The following LRMDA variants were observed in gnomAD, a reference collection of about 807,000 sequenced individuals.
LRMDA encodes leucine-rich melanocyte differentiation-associated protein.
In LRMDA, 18 loss-of-function variants were observed where a neutral mutation model predicts 29.8. The ratio of observed to expected loss-of-function variants is 0.60; its 90% CI spans 0.42 to 0.90. The LOEUF (loss-of-function observed/expected upper bound fraction) is 0.90, where lower values mean the gene tolerates loss of function less well. Among genes scored for constraint, LRMDA ranks in the 40% least tolerant of loss-of-function variants. The probability of loss-of-function intolerance (pLI) is 0.00; values close to 1 mark genes in which losing one functional copy is unlikely to be tolerated. For missense variants in LRMDA, 273 were observed against 273.9 expected, an observed-to-expected ratio of 1.00 and a Z score of 0.02; for synonymous variants, 125 against 109.4, an observed-to-expected ratio of 1.14 and a Z score of -0.89.
intron 5 of LRMDA, among the ~76,000 whole-genome samples, chr10:76,245,112 G>T (rs756588800): frequency 1.3e-5 from 2 of 152,170 alleles, no homozygotes; most frequent in Non-Finnish European, 2.9e-5. Context: ...TATTTTGTTT[G>T]GCATGCTTGC....
chr10:75,716,170 A>G (rs1842497063), intron 2 of LRMDA, among the ~76,000 whole-genome samples: 2 of 152,214 alleles, frequency 1.3e-5, no homozygotes, highest in Admixed American at 1.3e-4. Flanking sequence ...CTCTACTGCT[A>G]CACAGTTAAT....
At chr10:76,543,646 C>T (rs1043555986) in intron 6 of LRMDA, among the ~76,000 whole-genome samples, 1 of 152,102 alleles carries the variant, frequency 6.6e-6, no homozygotes, top group African/African-American at 2.4e-5. Flanking sequence ...AATTTATGGG[C>T]AAAGAAGTTG....
intron 2 of LRMDA, among the ~76,000 whole-genome samples, chr10:75,936,512 G>A (rs1040921721): frequency 2.6e-5 from 4 of 151,986 alleles, no homozygotes; most frequent in Non-Finnish European, 4.4e-5. Context: ...ATATTTACCC[G>A]CACATATCTT....
chr10:76,066,485 C>G (rs1319733699), intron 5 of LRMDA, among the ~76,000 whole-genome samples: 1 of 152,146 alleles, frequency 6.6e-6, no homozygotes, highest in East Asian at 1.9e-4. Flanking sequence ...CCGGGTCTTC[C>G]TAAGCCCCAA....
At chr10:76,136,954 C>T (rs936222351) in intron 5 of LRMDA, among the ~76,000 whole-genome samples, 1 of 152,130 alleles carries the variant, frequency 6.6e-6, no homozygotes, top group Non-Finnish European at 1.5e-5. Flanking sequence ...GGAGGTAACA[C>T]CAAAAAGCTG....
intron 2 of LRMDA, among the ~76,000 whole-genome samples, chr10:76,008,100 A>C (rs1847704748): frequency 6.6e-6 from 1 of 151,934 alleles, no homozygotes; most frequent in Non-Finnish European, 1.5e-5. Context: ...GATTTGAAGA[A>C]GCAGGGAGGG....
rs542209860 is a variant in LRMDA at position 76,358,241 on chromosome 10, C to A, written c.601+33756C>A. Among the ~76,000 whole-genome samples the A allele has an allele frequency of 2.0e-5, 3 of 152,244 alleles. No individual in the cohort carries two copies. In the East Asian group the frequency reaches 5.8e-4, roughly 29 times the overall value. On this transcript the variant is annotated intron_variant, in intron 6 of 6. Transcript: ENST00000611255. ...CGTAGGAGAAATGCCAGTAATGAGG[C>A]AATGGAACGTTCATTCACCTGCTTT...
chr10:75,917,946 C>T (rs1275860196), intron 2 of LRMDA, among the ~76,000 whole-genome samples: 2 of 140,222 alleles, frequency 1.4e-5, no homozygotes, highest in East Asian at 4.9e-4. Flanking sequence ...TGCACACCCA[C>T]ACATGCACAT....
chr10:75,950,368 T>G (rs1358969180), intron 2 of LRMDA, among the ~76,000 whole-genome samples: 1 of 152,186 alleles, frequency 6.6e-6, no homozygotes, highest in African/African-American at 2.4e-5. Flanking sequence ...ACTTGAAGCT[T>G]ACCCTTCTAA....
chr10:75,454,945 C>T (rs773031115), intron 2 of LRMDA, among the ~76,000 whole-genome samples: 1 of 152,194 alleles, frequency 6.6e-6, no homozygotes, highest in Non-Finnish European at 1.5e-5. Flanking sequence ...AGAAGAATGA[C>T]AGTAGGGGTA....
intron 5 of LRMDA, among the ~76,000 whole-genome samples, chr10:76,264,015 C>A (rs1196550203): frequency 6.6e-6 from 1 of 152,164 alleles, no homozygotes; most frequent in Non-Finnish European, 1.5e-5. Flanking sequence ...GGGTTCCATT[C>A]ACTCTAAGGG....
At chr10:76,498,731 A>G (rs1235404183) in intron 6 of LRMDA, among the ~76,000 whole-genome samples, 5 of 76,440 alleles carry the variant, frequency 6.5e-5, no homozygotes, top group African/African-American at 1.6e-4. Context: ...AAACCAATCT[A>G]TAAAAGTTAG....
At chr10:76,285,305 C>T (rs540874775) in intron 5 of LRMDA, among the ~76,000 whole-genome samples, 1 of 152,140 alleles carries the variant, frequency 6.6e-6, no homozygotes, top group East Asian at 1.9e-4. Context: ...TAGTCAGGCA[C>T]TCTACTTACA....
intron 6 of LRMDA, among the ~76,000 whole-genome samples, chr10:76,327,202 C>T (rs1840846294): frequency 6.6e-6 from 1 of 151,782 alleles, no homozygotes; most frequent in South Asian, 2.1e-4. Flanking sequence ...AGCGATTCTC[C>T]TGCCTCAGCC....
intron 2 of LRMDA, among the ~76,000 whole-genome samples, chr10:75,878,649 T>G (rs1276581143): frequency 6.6e-6 from 1 of 152,012 alleles, no homozygotes; most frequent in Non-Finnish European, 1.5e-5. Flanking sequence ...CATTTGGGTG[T>G]AAAAACAGGA....
chr10:75,561,403 C>A (rs1261432551), intron 2 of LRMDA, among the ~76,000 whole-genome samples: 1 of 150,882 alleles, frequency 6.6e-6, no homozygotes, highest in Non-Finnish European at 1.5e-5. Flanking sequence ...TTTTTTATTG[C>A]GTCTATTTGA....
At chr10:76,212,236 AACACACACACACACAC>A (rs35344389) in intron 5 of LRMDA, among the ~76,000 whole-genome samples, 1 of 142,848 alleles carries the variant, frequency 7.0e-6, no homozygotes, top group Non-Finnish European at 1.5e-5. Flanking sequence ...TGAAAATTAA[AACACACACACACACAC>A]ACACACACAC....
chr10:75,469,588 G>A (rs532464811), intron 2 of LRMDA, among the ~76,000 whole-genome samples: 103 of 46,970 alleles, frequency 2.2e-3, no homozygotes, highest in Admixed American at 3.4e-3. Context: ...GTGTATGTGC[G>A]TGTGTGTGTG....
intron 2 of LRMDA, among the ~76,000 whole-genome samples, chr10:75,607,231 C>G (rs1840967623): frequency 6.6e-6 from 1 of 152,210 alleles, no homozygotes; most frequent in Non-Finnish European, 1.5e-5. Context: ...TTTTAACTAT[C>G]TTCTGAAAGT....
Sources: gnomAD v4.1 joint callset for allele counts (sites outside exome capture counted in the v4.1 genomes callset) on GRCh38, gnomAD v4.1.1 for gene constraint, MANE v1.5 for transcripts, NCBI Gene and HGNC (gene_info 2026-07-23, HGNC 2026-07-21) for gene names.